The following MAP2K5 variants were observed in gnomAD, a reference collection of about 807,000 sequenced individuals.
MAP2K5 encodes dual specificity mitogen-activated protein kinase kinase 5.
In MAP2K5, 49 loss-of-function variants were observed where a neutral mutation model predicts 83.1. That is an observed-to-expected ratio of 0.59 (90% CI 0.47 to 0.75). The LOEUF (loss-of-function observed/expected upper bound fraction) is 0.75, where lower values mean the gene tolerates loss of function less well. Among genes scored for constraint, MAP2K5 ranks in the 30% least tolerant of loss-of-function variants. The pLI is 0.00. For synonymous variants in MAP2K5, 202 were observed against 191.8 expected, an observed-to-expected ratio of 1.05 and a Z score of -0.44; for missense variants, 457 against 557.5, an observed-to-expected ratio of 0.82 and a Z score of 1.82.
rs951430024 is a variant in MAP2K5 at position 67,572,251 on chromosome 15, G to T, written c.253-8503G>T. Among the ~76,000 whole-genome samples, 10 of 152,176 alleles carry T rather than the reference G, an allele frequency of 6.6e-5. No homozygotes were observed. The highest frequency in any genetic ancestry group is 3.9e-4 in the Admixed American group (6 of 15,282). ...TCAGTCTGTATGGACAGTGACGGGG[G>T]AGAGGGTGGGAGATGGGGCTTGGAG... On this transcript the variant is annotated intron_variant, in intron 3 of 21. Transcript: ENST00000178640. This position sits in a 1 kb window ranked among gnomAD's most constrained non-coding sequence, Gnocchi z 4.2.
chr15:67,616,026 G>T (rs1352345914), intron 8 of MAP2K5, among the ~76,000 whole-genome samples: 1 of 152,060 alleles, frequency 6.6e-6, no homozygotes, highest in Admixed American at 6.6e-5. Flanking sequence ...TAACCCCCTC[G>T]ATTTCTACCA....
chr15:67,671,204 G>A (rs1257044855), intron 13 of MAP2K5, among the ~76,000 whole-genome samples: 3 of 152,150 alleles, frequency 2.0e-5, no homozygotes, highest in African/African-American at 7.2e-5. Context: ...TGTTGATAAG[G>A]TGGGGAACAA....
Position 67,587,319 on chromosome 15 carries a change from T to A in MAP2K5, c.431+406T>A, listed in dbSNP as rs78915816. 6.6e-6 allele frequency among the ~76,000 whole-genome samples: 1 copy of A among 152,112 alleles called. No homozygotes were observed. Among genetic ancestry groups the A allele is most frequent in the Non-Finnish European group, 1.5e-5 (1 of 68,022 alleles). ...GAGCTAAGGAGGTAGACAGGACTTA[T>A]CATGCGGGGCCTCGTAGGCCCTGTA... On this transcript the variant is annotated intron_variant, in intron 6 of 21. Coordinates refer to ENST00000178640, the MANE Select transcript of MAP2K5 (RefSeq NM_145160.3). This position sits in a 1 kb window ranked among gnomAD's most constrained non-coding sequence, Gnocchi z 4.8.
intron 8 of MAP2K5, among the ~76,000 whole-genome samples, chr15:67,603,571 C>T (rs899084623): frequency 1.3e-5 from 2 of 152,200 alleles, no homozygotes; most frequent in South Asian, 2.1e-4. Context: ...TTGAGAGGGG[C>T]GGTGAAGATA....
rs1266735760 is a variant in MAP2K5, at chr15:67,746,647, T to C, written c.1075-1584T>C. Among the ~76,000 whole-genome samples, 1 of 152,230 alleles carries C rather than the reference T, an allele frequency of 6.6e-6. No homozygotes were observed. The highest frequency in any genetic ancestry group is 6.5e-5 in the Admixed American group (1 of 15,292). On this transcript the variant is annotated intron_variant, in intron 17 of 21. Coordinates refer to ENST00000178640, the MANE Select transcript of MAP2K5 (RefSeq NM_145160.3). This position sits in a 1 kb window ranked among gnomAD's most constrained non-coding sequence, Gnocchi z 4.1. ...GCAGAATCTTGTCTGGAAATACTCA[T>C]GGACTGGAGAAACCAGAAGAAGCAG...
At chr15:67,729,614 C>CAA (rs890151683) in intron 17 of MAP2K5, among the ~76,000 whole-genome samples, 2 of 143,202 alleles carry the variant, frequency 1.4e-5, no homozygotes, top group African/African-American at 5.1e-5. Flanking sequence ...ACTAAAAATA[C>CAA]AAAAAAAAAA....
intron 9 of MAP2K5, among the ~76,000 whole-genome samples, chr15:67,645,287 G>A (rs532087773): frequency 3.9e-5 from 6 of 152,128 alleles, no homozygotes; most frequent in Non-Finnish European, 7.4e-5. Context: ...AGACCAGCCT[G>A]AGCAACATAG....
chr15:67,687,571 TG>T (rs1225114886), intron 13 of MAP2K5, among the ~76,000 whole-genome samples: 1 of 152,174 alleles, frequency 6.6e-6, no homozygotes, highest in Non-Finnish European at 1.5e-5. Flanking sequence ...ATCTGGCACA[TG>T]GTAAGGTGTC....
At chr15:67,728,335 A>G (rs1456345890) in intron 17 of MAP2K5, among the ~76,000 whole-genome samples, 8 of 152,186 alleles carry the variant, frequency 5.3e-5, no homozygotes, top group Non-Finnish European at 8.8e-5. Context: ...AAAGCATCTA[A>G]TCTAGGTCAT....
chr15:67,650,790 T>G (rs1246783411), intron 11 of MAP2K5, among the ~76,000 whole-genome samples: 1 of 152,152 alleles, frequency 6.6e-6, no homozygotes, highest in Non-Finnish European at 1.5e-5. Context: ...TCTAGTTTTC[T>G]TTTTTTGTGA....
chr15:67,641,564 A>G, intron 9 of MAP2K5: 1 of 998,650 alleles, frequency 1.0e-6, no homozygotes, highest in African/African-American at 1.7e-5. Flanking sequence ...CACAGAGTAA[A>G]TTATAATTCA....
intron 17 of MAP2K5, among the ~76,000 whole-genome samples, chr15:67,745,972 CT>C: frequency 6.6e-6 from 1 of 152,054 alleles, no homozygotes; most frequent in Non-Finnish European, 1.5e-5. Flanking sequence ...ATAATAAAAC[CT>C]GATAACGTCT....
At chr15:67,687,918 G>T (rs562828191) in intron 13 of MAP2K5, among the ~76,000 whole-genome samples, 12 of 152,088 alleles carry the variant, frequency 7.9e-5, no homozygotes, top group East Asian at 1.9e-4. Flanking sequence ...GTGTAGAAAT[G>T]GAGCGTGTTG....
chr15:67,647,835 C>T (rs2086863482), intron 11 of MAP2K5, among the ~76,000 whole-genome samples: 1 of 151,888 alleles, frequency 6.6e-6, no homozygotes. Context: ...CGCCACTGCA[C>T]TCCACCCTGG....
chr15:67,642,191 T>C (rs1403718950), intron 9 of MAP2K5, among the ~76,000 whole-genome samples: 2 of 152,246 alleles, frequency 1.3e-5, no homozygotes, highest in Non-Finnish European at 2.9e-5. Flanking sequence ...TTTTTAGTTT[T>C]AAATTCAGTT....
At position 67,684,817 on chromosome 15, in the gene MAP2K5, A is replaced by G. The variant is rs111592049; in HGVS notation, c.848-7662A>G. Among the ~76,000 whole-genome samples, 1,200 of 152,332 alleles carry G rather than the reference A, an allele frequency of 7.9e-3. 28 individuals are homozygous for G. The highest frequency in any genetic ancestry group is 0.027 in the African/African-American group (1,128 of 41,564). ...GAAAAATATCTGAAATAAAAATTTC[A>G]TTGATGGAATTAACTGAATTAGACA... On this transcript the variant is annotated intron_variant, in intron 13 of 21. Transcript: ENST00000178640.
At chr15:67,623,598 C>CTTTT (rs369601076) in intron 8 of MAP2K5, among the ~76,000 whole-genome samples, 1 of 142,212 alleles carries the variant, frequency 7.0e-6, no homozygotes, top group African/African-American at 2.6e-5. Flanking sequence ...TACTATCTTC[C>CTTTT]TTTTTTTTTT....
In MAP2K5 at chr15:67,552,351, G is replaced by A. The variant is rs1276881038; in HGVS notation, c.184+2269G>A. Among the ~76,000 whole-genome samples, 1 of 152,038 alleles carries A rather than the reference G, an allele frequency of 6.6e-6. No homozygotes were observed. The highest frequency in any genetic ancestry group is 1.5e-5 in the Non-Finnish European group (1 of 68,020). On this transcript the variant is annotated intron_variant, in intron 2 of 21. Coordinates refer to ENST00000178640, the MANE Select transcript of MAP2K5 (RefSeq NM_145160.3). This position sits in a 1 kb window ranked among gnomAD's most constrained non-coding sequence, Gnocchi z 4.2. ...ATGGACAGTCTGATAGTTAACATTCGGAGTACTTACTGTTGACAGATGCTT... is the reference window on the plus strand; with the variant it reads ...ATGGACAGTCTGATAGTTAACATTCAGAGTACTTACTGTTGACAGATGCTT...
intron 17 of MAP2K5, among the ~76,000 whole-genome samples, chr15:67,740,855 C>G (rs1183488567): frequency 1.3e-5 from 2 of 151,876 alleles, no homozygotes; most frequent in African/African-American, 4.8e-5. Context: ...TGGCGAAACC[C>G]CGTCTCTACT....
Sources: allele counts gnomAD v4.1 joint callset (sites outside exome capture counted in the v4.1 genomes callset), GRCh38; gene constraint gnomAD v4.1.1; non-coding constraint Gnocchi (gnomAD v3.1); transcripts MANE v1.5; gene names NCBI Gene and HGNC (gene_info 2026-07-23, HGNC 2026-07-21).